Variants in DNAJA3 observed in about 807,000 individuals in gnomAD.
DNAJA3 encodes the protein DnaJ heat shock protein family (Hsp40) member A3.
A neutral mutation model predicts 54.9 loss-of-function variants in DNAJA3; 29 were observed. The observed-to-expected ratio is 0.53, with a 90% CI of 0.39 to 0.72. The LOEUF (loss-of-function observed/expected upper bound fraction) is 0.72. DNAJA3 is among the 30% of genes least tolerant of loss of function. The pLI is 0.00. For synonymous variants in DNAJA3, 302 were observed against 251.4 expected, an observed-to-expected ratio of 1.20 and a Z score of -1.90; for missense variants, 708 against 639.4, an observed-to-expected ratio of 1.11 and a Z score of -1.16.
intron 4 of DNAJA3, 110 bp downstream of exon 4, chr16:4,441,685 G>A: frequency 9.4e-7 from 1 of 1,066,550 alleles, no homozygotes; most frequent in Admixed American, 2.7e-5. Flanking sequence ...TAAATGGAGT[G>A]ATCTGGAGGC....
intron 10 of DNAJA3, among the ~76,000 whole-genome samples, chr16:4,453,480 C>T (rs778412192): frequency 9.2e-5 from 14 of 151,642 alleles, no homozygotes; most frequent in Non-Finnish European, 1.8e-4. Context: ...CTCTGTCACC[C>T]GGGCCGGAGT....
chr16:4,434,827 G>A (rs1449340510), intron 2 of DNAJA3, among the ~76,000 whole-genome samples: 1 of 150,230 alleles, frequency 6.7e-6, no homozygotes, highest in Non-Finnish European at 1.5e-5. Flanking sequence ...TAAGTTTTAG[G>A]TAGTTATTTT....
At chr16:4,441,650 T>C in intron 4 of DNAJA3, 75 bp downstream of exon 4, 1 of 1,489,764 alleles carries the variant, frequency 6.7e-7, no homozygotes, top group Non-Finnish European at 9.2e-7. Flanking sequence ...TATCAGTTTC[T>C]GTTTCTCAGA....
At chr16:4,442,656 A>C in intron 5 of DNAJA3, 1 of 530,466 alleles carries the variant, frequency 1.9e-6, no homozygotes, top group South Asian at 3.2e-5. Context: ...GATTGCATCC[A>C]GTTGTCACTT....
intron 2 of DNAJA3, among the ~76,000 whole-genome samples, chr16:4,436,583 T>C (rs1005625607): frequency 1.1e-4 from 17 of 152,238 alleles, no homozygotes; most frequent in Non-Finnish European, 2.5e-4. Flanking sequence ...TGGCTCAGGC[T>C]GGAGTGCAGT....
At chr16:4,450,068 A>T in intron 9 of DNAJA3, 1 of 209,268 alleles carries the variant, frequency 4.8e-6, no homozygotes, top group Non-Finnish European at 9.5e-6. Context: ...GATTACAGGC[A>T]TGAGCCACTG....
Position 4,441,522 on chromosome 16 carries a change from T to G in DNAJA3, c.577T>G (p.Phe193Val). The change falls in exon 4 of 12, where the codon TTC becomes GTC. Residue 193 changes from phenylalanine to valine, a missense_variant. Physicochemically the swap from Phe to Val is conservative, Grantham distance 50 (BLOSUM62 -1). Transcript: ENST00000262375. ...EELFRKIFGEFSSSSFGDFQT... is the reference protein window; with the variant it reads ...EELFRKIFGEVSSSSFGDFQT... ...GCTGTTCAGGAAGATCTTTGGCGAG[T>G]TCTCATCCTCTTCATTTGGAGATTT... The G allele has an allele frequency of 6.2e-7, 1 of 1,614,118 alleles. No individual in the cohort carries two copies. Among genetic ancestry groups the G allele is most frequent in the Non-Finnish European group, 8.5e-7 (1 of 1,180,032 alleles).
intron 3 of DNAJA3, 67 bp downstream of exon 3, chr16:4,437,552 C>T: frequency 7.5e-7 from 1 of 1,332,476 alleles, no homozygotes; most frequent in South Asian, 1.2e-5. Context: ...GGTTGCATTG[C>T]TACCTGGGAC....
chr16:4,426,075 C>T lies in DNAJA3; in HGVS notation c.194C>T (p.Pro65Leu), dbSNP rs967072202. The T allele has an allele frequency of 1.9e-6, 3 of 1,598,584 alleles. No individual in the cohort carries two copies. The African/African-American group carries it at 4.1e-5, about 22-fold the overall frequency. ...CGPRALLTLR[P>L]GVSLTGTKHN... ...CCCCGAGCGCTGCTGACATTGAGAC[C>T]TGGTGTCAGCCTTACAGGTGAGGGC... is the stretch of plus-strand genomic sequence containing the variant. Residue 65 changes from proline (P) to leucine (L), a missense_variant, in exon 1 of 12, where the codon CCT (proline) becomes CTT (leucine). Transcript: ENST00000262375.
chr16:4,454,779 T>A (rs778228533), intron 10 of DNAJA3, 32 bp from the exon 11 acceptor site: 44 of 1,539,482 alleles, frequency 2.9e-5, no homozygotes, highest in Non-Finnish European at 3.8e-5. Flanking sequence ...TGCAGGCCCA[T>A]GACGCCAGTT....
chr16:4,451,015 G>C (rs912358898), intron 10 of DNAJA3, among the ~76,000 whole-genome samples: 3 of 152,188 alleles, frequency 2.0e-5, no homozygotes, highest in African/African-American at 7.2e-5. Flanking sequence ...TTATCTAGCC[G>C]TGAACAGATG....
chr16:4,426,114 C>G (rs759835081), intron 1 of DNAJA3, 22 bp downstream of exon 1: 5 of 1,537,726 alleles, frequency 3.3e-6, no homozygotes, highest in Admixed American at 1.9e-5. Flanking sequence ...TTCCAACTTC[C>G]GAGTGGCGGT....
intron 6 of DNAJA3, among the ~76,000 whole-genome samples, chr16:4,443,399 A>G (rs931576323): frequency 1.3e-5 from 2 of 152,052 alleles, no homozygotes; most frequent in East Asian, 1.9e-4. Context: ...GCATGTCACA[A>G]TGGGGAGAAG....
chr16:4,450,141 C>T, intron 9 of DNAJA3: 1 of 411,764 alleles, frequency 2.4e-6, no homozygotes, highest in Non-Finnish European at 4.3e-6. Flanking sequence ...ATCTGTTTCC[C>T]CTCCTGTAAA....
intron 11 of DNAJA3, among the ~76,000 whole-genome samples, chr16:4,455,186 G>A (rs754308638): frequency 2.0e-5 from 3 of 152,178 alleles, no homozygotes; most frequent in African/African-American, 7.2e-5. Context: ...GGGAGGTGGC[G>A]ATGCTGGGGC....
intron 8 of DNAJA3, chr16:4,447,221 T>G: frequency 1.7e-6 from 1 of 587,762 alleles, no homozygotes; most frequent in Non-Finnish European, 2.9e-6. Flanking sequence ...TGGGAAGCAG[T>G]TCCTGGCTGG....
intron 8 of DNAJA3, among the ~76,000 whole-genome samples, chr16:4,448,394 A>G (rs764715883): frequency 2.3e-4 from 35 of 151,936 alleles, no homozygotes; most frequent in Non-Finnish European, 4.3e-4. Flanking sequence ...CCAGAGCTGG[A>G]GTGCAATGGC....
intron 9 of DNAJA3, 35 bp downstream of exon 9, chr16:4,448,883 G>C (rs1029359488): frequency 2.0e-6 from 3 of 1,524,010 alleles, no homozygotes; most frequent in Non-Finnish European, 2.7e-6. Flanking sequence ...AAGCCCGCCT[G>C]GTCCTGCGGT....
chr16:4,441,212 T>A, intron 3 of DNAJA3, 163 bp from the exon 4 acceptor site: 1 of 628,614 alleles, frequency 1.6e-6, no homozygotes, highest in East Asian at 2.8e-5. Context: ...ATCTCATCCC[T>A]CTTCTAGGTG....
Sources: gnomAD v4.1 joint callset for allele counts (sites outside exome capture counted in the v4.1 genomes callset) on GRCh38, gnomAD v4.1.1 for gene constraint, MANE v1.5 for transcripts, NCBI Gene and HGNC (gene_info 2026-07-23, HGNC 2026-07-21) for gene names.